Variants in DPP6 observed in about 807,000 individuals in gnomAD.
DPP6 encodes A-type potassium channel modulatory protein DPP6.
DPP6 carries 69 observed loss-of-function variants against 122.6 expected under a neutral mutation model. The observed-to-expected ratio is 0.56, with a 90% CI of 0.46 to 0.69. The LOEUF (loss-of-function observed/expected upper bound fraction) is 0.69. DPP6 is among the 30% of genes least tolerant of loss of function. DPP6 has a pLI of 0.00. For synonymous variants in DPP6, 418 were observed against 433.1 expected (o/e 0.97, Z 0.43); for missense variants, 928 against 1,116.9 (o/e 0.83, Z 2.41).
chr7:154,586,121 A>T (rs957141266), intron 5 of DPP6, among the ~76,000 whole-genome samples: 1 of 151,578 alleles, frequency 6.6e-6, no homozygotes, highest in Non-Finnish European at 1.5e-5. Flanking sequence ...TCTGGAGTTG[A>T]CCCTCGTTGC....
the DPP6 span, among the ~76,000 whole-genome samples, chr7:153,809,852 C>G: frequency 1.0e-5 from 1 of 95,274 alleles, no homozygotes; most frequent in Non-Finnish European, 2.5e-5. Context: ...TTACAAGGGT[C>G]ACATGAGTTA....
intron 1 of DPP6, among the ~76,000 whole-genome samples, chr7:154,225,013 A>T (rs1043441469): frequency 3.9e-5 from 6 of 152,052 alleles, no homozygotes; most frequent in African/African-American, 1.4e-4. Flanking sequence ...ATGGTGGCAC[A>T]TACCTATGAT....
At chr7:154,132,327 A>G (rs566739402) in intron 1 of DPP6, among the ~76,000 whole-genome samples, 1 of 152,298 alleles carries the variant, frequency 6.6e-6, no homozygotes, top group South Asian at 2.1e-4. Context: ...GAAACGAGTA[A>G]CTGACTAGAG....
At chr7:154,218,555 A>G (rs188176885) in intron 1 of DPP6, among the ~76,000 whole-genome samples, 79 of 152,318 alleles carry the variant, frequency 5.2e-4, no homozygotes, top group Admixed American at 1.2e-3. Context: ...AATGTATTTG[A>G]TAGGCTCTTT....
intron 16 of DPP6, among the ~76,000 whole-genome samples, chr7:154,816,589 G>A (rs919488920): frequency 7.5e-6 from 1 of 133,456 alleles, no homozygotes; most frequent in African/African-American, 2.8e-5. Flanking sequence ...GATACATAGT[G>A]AGTGTTTAAT....
chr7:154,452,070 C>T (rs1366954159), intron 2 of DPP6, among the ~76,000 whole-genome samples: 2 of 152,228 alleles, frequency 1.3e-5, no homozygotes, highest in Non-Finnish European at 1.5e-5. Flanking sequence ...CACTAATGTA[C>T]AGAGCAGTGT....
At chr7:154,725,899 T>C (rs1331966615) in intron 7 of DPP6, among the ~76,000 whole-genome samples, 3 of 152,044 alleles carry the variant, frequency 2.0e-5, no homozygotes, top group Non-Finnish European at 4.4e-5. Context: ...CCATTCCAAA[T>C]GGGAGAAACT....
At chr7:154,889,669 C>T in intron 25 of DPP6, 139 bp downstream of exon 25, 2 of 1,387,516 alleles carry the variant, frequency 1.4e-6, no homozygotes, top group East Asian at 2.5e-5. Context: ...AAGGTCCCAG[C>T]AGGTTGGAAA....
chr7:153,786,462 G>A, the DPP6 span, among the ~76,000 whole-genome samples: 46,661 of 138,440 alleles, frequency 0.34, 4,075 homozygotes, highest in South Asian at 0.39. Flanking sequence ...ACTACTGGCC[G>A]GGCACAGTGG....
chr7:154,582,977 A>C (rs373334685), intron 5 of DPP6, among the ~76,000 whole-genome samples: 12 of 152,302 alleles, frequency 7.9e-5, no homozygotes, highest in East Asian at 7.7e-4. Flanking sequence ...AGGTTTCTGC[A>C]GTGCCAGGGA....
At chr7:153,886,750 T>A (rs1214406658), upstream of DPP6, among the ~76,000 whole-genome samples, 1 of 152,126 alleles carries the variant, frequency 6.6e-6, no homozygotes, top group Non-Finnish European at 1.5e-5. Flanking sequence ...TGTTACAACA[T>A]TATTTATAAG....
intron 1 of DPP6, among the ~76,000 whole-genome samples, chr7:154,160,307 C>T (rs1796914560): frequency 6.6e-6 from 1 of 152,134 alleles, no homozygotes; most frequent in Non-Finnish European, 1.5e-5. Flanking sequence ...CAAGGATAAA[C>T]ACTAACTGCT....
intron 1 of DPP6, among the ~76,000 whole-genome samples, chr7:154,425,281 C>A (rs917530861): frequency 6.6e-6 from 1 of 152,072 alleles, no homozygotes; most frequent in African/African-American, 2.4e-5. Flanking sequence ...TAGGAAACAC[C>A]CAACAACACT....
chr7:154,284,282 G>A (rs1056198315), intron 1 of DPP6, among the ~76,000 whole-genome samples: 5 of 152,120 alleles, frequency 3.3e-5, no homozygotes, highest in East Asian at 1.9e-4. Flanking sequence ...TCTGCAGGAC[G>A]AAAAAGCAGA....
At chr7:154,257,007 T>C (rs1231708045) in intron 1 of DPP6, among the ~76,000 whole-genome samples, 1 of 150,176 alleles carries the variant, frequency 6.7e-6, no homozygotes, top group Admixed American at 6.6e-5. Flanking sequence ...TCTTTTTTTT[T>C]TTTTTTGGAG....
intron 1 of DPP6, among the ~76,000 whole-genome samples, chr7:153,961,307 A>C (rs2129028284): frequency 6.7e-6 from 1 of 148,232 alleles, no homozygotes; most frequent in South Asian, 2.2e-4. Flanking sequence ...TCCTATGAGA[A>C]GTTGGTAGAT....
At chr7:153,972,193 A>C (rs1796053821) in intron 1 of DPP6, among the ~76,000 whole-genome samples, 1 of 151,176 alleles carries the variant, frequency 6.6e-6, no homozygotes, top group Non-Finnish European at 1.5e-5. Flanking sequence ...TCCCAGAGGC[A>C]GATGTGCTCT....
the DPP6 span, among the ~76,000 whole-genome samples, chr7:153,765,339 C>T: frequency 5.4e-5 from 8 of 149,068 alleles, no homozygotes; most frequent in Non-Finnish European, 8.9e-5. Flanking sequence ...GTCAAGAGTT[C>T]GAGACCAGCC....
intron 1 of DPP6, among the ~76,000 whole-genome samples, chr7:153,901,655 T>C (rs1232081460): frequency 1.3e-5 from 2 of 152,234 alleles, no homozygotes; most frequent in Non-Finnish European, 2.9e-5. Context: ...TGCTGTTCAA[T>C]AGGGTTATAC....
Sources: allele counts gnomAD v4.1 joint callset (sites outside exome capture counted in the v4.1 genomes callset), GRCh38; gene constraint gnomAD v4.1.1; transcripts MANE v1.5; gene names NCBI Gene and HGNC (gene_info 2026-07-23, HGNC 2026-07-21).